STYK1: variants seen among roughly 807,000 people sequenced by gnomAD.
The protein encoded by STYK1 is STY kinase 1.
STYK1 carries 46 observed loss-of-function variants against 48.1 expected under a neutral mutation model. The observed-to-expected ratio is 0.96, with a 90% confidence interval of 0.75 to 1.22. STYK1 has a LOEUF of 1.22. Ranked by LOEUF, STYK1 falls within the 50% of genes most tolerant of loss-of-function variation. The pLI is 0.00. For synonymous variants in STYK1, 188 were observed against 189.0 expected (o/e 0.99, Z 0.04); for missense variants, 527 against 521.1 (o/e 1.01, Z -0.11).
intron 1 of STYK1, among the ~76,000 whole-genome samples, chr12:10,666,526 G>T (rs902741368): frequency 1.3e-5 from 2 of 152,130 alleles, no homozygotes; most frequent in Non-Finnish European, 2.9e-5. Context: ...TTCCAGAAAG[G>T]CACCTGACTT....
In STYK1 at chr12:10,637,499, G is replaced by A. The variant is rs113099604; in HGVS notation, c.-194-303C>T. Among the ~76,000 whole-genome samples the A allele has an allele frequency of 7.3e-3, 1,106 of 151,958 alleles. 8 individuals carry two copies. The highest frequency in any genetic ancestry group is 0.025 in the African/African-American group (1,044 of 41,446). On this transcript the variant is annotated intron_variant, in intron 1 of 10. Transcript: ENST00000075503. ...ACTACAGGCACCCACCACCACGCACGCCCGGCTAATTTTCTGTATTTTTAG... is the reference window on the plus strand; with the variant it reads ...ACTACAGGCACCCACCACCACGCACACCCGGCTAATTTTCTGTATTTTTAG...
chr12:10,632,458 T>A (rs1947440030), intron 4 of STYK1, among the ~76,000 whole-genome samples: 1 of 152,056 alleles, frequency 6.6e-6, no homozygotes. Flanking sequence ...TGGAGCCAAG[T>A]GGGATCATTG....
At chr12:10,621,731 T>C in intron 10 of STYK1, 145 bp downstream of exon 10, 1 of 609,168 alleles carries the variant, frequency 1.6e-6, no homozygotes, top group South Asian at 2.1e-5. Flanking sequence ...ATAGGTATAT[T>C]TTACTGCATG....
chr12:10,651,004 CA>C (rs11342378), intron 1 of STYK1, among the ~76,000 whole-genome samples: 74,781 of 118,484 alleles, frequency 0.63, 21,499 homozygotes, highest in East Asian at 0.79. Flanking sequence ...GACTCCTTCT[CA>C]AAAAAAAAAA....
chr12:10,650,148 A>AAAAAC (rs1947646584), intron 1 of STYK1, among the ~76,000 whole-genome samples: 3 of 140,278 alleles, frequency 2.1e-5, no homozygotes, highest in Non-Finnish European at 4.6e-5. Context: ...AAAAAAAAAA[A>AAAAAC]TCTTGAGTTT....
chr12:10,662,671 T>C (rs1039066857), intron 1 of STYK1, among the ~76,000 whole-genome samples: 9 of 152,242 alleles, frequency 5.9e-5, no homozygotes, highest in Admixed American at 5.2e-4. Flanking sequence ...TTTGAAGAAA[T>C]GTACATTCAA....
In STYK1 at chr12:10,619,223, A is replaced by C. The variant is rs1237162773; in HGVS notation, c.*921T>G. On this transcript the variant is annotated 3_prime_UTR_variant, in exon 11 of 11. Transcript: ENST00000075503. The stretch of plus-strand genomic sequence containing the variant: ...TTTAATAAAATAAGTTTCACAGTAT[A>C]TCAACAGATGATTGAAAATTAGAAG... 2.0e-5 allele frequency: 3 copies of C among 152,228 alleles called. No individual in the cohort carries two copies. The highest frequency in any genetic ancestry group is 4.4e-5 in the Non-Finnish European group (3 of 68,046). 9.4% of individuals were successfully genotyped at this position (152,228 alleles called of 1,614,324 possible). A position where few individuals can be genotyped will look rare whatever the true frequency, so the allele number is the denominator to read the frequency against.
chr12:10,669,640 T>G (rs1224495174), intron 1 of STYK1, among the ~76,000 whole-genome samples: 1 of 151,936 alleles, frequency 6.6e-6, no homozygotes, highest in Non-Finnish European at 1.5e-5. Context: ...TGGGGTTACA[T>G]CAAACTAAAA....
intron 5 of STYK1, 92 bp downstream of exon 5, chr12:10,630,953 C>T: frequency 6.6e-7 from 1 of 1,507,250 alleles, no homozygotes; most frequent in Middle Eastern, 2.4e-4. Context: ...CAGTTATGAT[C>T]ACAACTATCT....
intron 1 of STYK1, among the ~76,000 whole-genome samples, chr12:10,658,889 C>T (rs1021212017): frequency 3.3e-5 from 5 of 152,112 alleles, no homozygotes; most frequent in Non-Finnish European, 1.5e-5. Flanking sequence ...ACCATATTTC[C>T]TTGTTAATCA....
intron 5 of STYK1, 92 bp downstream of exon 5, chr12:10,630,952 TC>T (rs1377990940): frequency 4.7e-5 from 71 of 1,503,334 alleles, no homozygotes; most frequent in Non-Finnish European, 6.2e-5. Context: ...ACAGTTATGA[TC>T]ACAACTATCT....
At position 10,661,697 on chromosome 12, in the gene STYK1, A is replaced by G. The variant is rs570411928; in HGVS notation, c.-195+12269T>C. 3.3e-5 allele frequency among the ~76,000 whole-genome samples: 5 copies of G among 152,344 alleles called. No individual in the cohort carries two copies. The East Asian group carries it at 7.7e-4, about 24-fold the overall frequency. On this transcript the variant is annotated intron_variant, in intron 1 of 10. Coordinates refer to ENST00000075503, the MANE Select transcript of STYK1 (RefSeq NM_018423.3). ...CTGGGGCACAGAGAGAGGTTAAGTA[A>G]GTTGCTCCAGATCACACAGCTAGTA...
Position 10,645,975 on chromosome 12 carries a change from C to T in STYK1, c.-194-8779G>A, listed in dbSNP as rs551773013. ...TAAGATGTGACTTGTTGCTCCTTGC[C>T]TTCCACCATGATTGGGAGGCCTCCC... On this transcript the variant is annotated intron_variant, in intron 1 of 10. Transcript: ENST00000075503. Among the ~76,000 whole-genome samples the T allele has an allele frequency of 4.6e-5, 7 of 152,326 alleles. No individual in the cohort carries two copies. The East Asian group carries it at 1.3e-3, about 29-fold the overall frequency.
At chr12:10,667,549 G>A (rs1947846140) in intron 1 of STYK1, 1 of 152,172 alleles carries the variant, frequency 6.6e-6, no homozygotes, top group African/African-American at 2.4e-5. Flanking sequence ...AGGATCACTT[G>A]AGCCTGAGAG....
chr12:10,625,844 G>A (rs1237654111), intron 7 of STYK1, among the ~76,000 whole-genome samples: 8 of 152,126 alleles, frequency 5.3e-5, no homozygotes, highest in Non-Finnish European at 1.0e-4. Flanking sequence ...CCAAAATGTA[G>A]GAAGAAAGAC....
chr12:10,640,611 C>T (rs1390527673), intron 1 of STYK1: 1 of 152,152 alleles, frequency 6.6e-6, no homozygotes, highest in African/African-American at 2.4e-5. Flanking sequence ...CCCTTTCCAC[C>T]ATGGTGCCTA....
intron 1 of STYK1, among the ~76,000 whole-genome samples, chr12:10,666,992 C>T (rs1947840636): frequency 6.6e-6 from 1 of 152,112 alleles, no homozygotes; most frequent in East Asian, 1.9e-4. Flanking sequence ...CATGTTTTTT[C>T]CCTTAAACCT....
intron 1 of STYK1, among the ~76,000 whole-genome samples, chr12:10,639,432 T>C (rs1188355814): frequency 2.0e-5 from 3 of 151,908 alleles, no homozygotes; most frequent in African/African-American, 7.3e-5. Flanking sequence ...TTTTTTTTTC[T>C]GATGGAGTCT....
At chr12:10,666,569 GCT>G (rs1947835808) in intron 1 of STYK1, among the ~76,000 whole-genome samples, 1 of 152,096 alleles carries the variant, frequency 6.6e-6, no homozygotes, top group Non-Finnish European at 1.5e-5. Flanking sequence ...ATATGATTTG[GCT>G]CTGTGTTCCC....
Sources: gnomAD v4.1 joint callset for allele counts (sites outside exome capture counted in the v4.1 genomes callset) on GRCh38, gnomAD v4.1.1 for gene constraint, MANE v1.5 for transcripts, NCBI Gene and HGNC (gene_info 2026-07-23, HGNC 2026-07-21) for gene names.